CDK18: variants seen among roughly 807,000 people sequenced by gnomAD.
The protein encoded by CDK18 is cyclin dependent kinase 18, also known as cyclin-dependent kinase 18.
Under a neutral mutation model 62.0 loss-of-function variants are expected in CDK18, and 52 were observed. The observed-to-expected ratio is 0.84, with a 90% CI of 0.67 to 1.06. The LOEUF (loss-of-function observed/expected upper bound fraction) is 1.06. CDK18 is among the 50% of genes least tolerant of loss of function. The pLI, the probability that CDK18 is intolerant of heterozygous loss-of-function variation, is 0.00. For missense variants in CDK18, 604 were observed against 619.9 expected (o/e 0.97, Z 0.27); for synonymous variants, 237 against 247.0 (o/e 0.96, Z 0.38).
chr1:205,507,570 G>T (rs1667367422), intron 1 of CDK18, among the ~76,000 whole-genome samples: 1 of 146,320 alleles, frequency 6.8e-6, no homozygotes, highest in Non-Finnish European at 1.5e-5. Context: ...GGAGGCGGAG[G>T]TTGTAGTGAG....
intron 1 of CDK18, among the ~76,000 whole-genome samples, chr1:205,507,804 AGGCC>A (rs919959708): frequency 6.6e-6 from 1 of 152,176 alleles, no homozygotes; most frequent in African/African-American, 2.4e-5. Flanking sequence ...CAGCCCCATC[AGGCC>A]AAGCCCTTAG....
At position 205,523,300 on chromosome 1, in the gene CDK18, G is replaced by C. The variant is rs369881634; in HGVS notation, c.130+3G>C. On this transcript the variant is annotated splice_donor_region_variant and intron_variant, in intron 2 of 15. Coordinates refer to ENST00000429964, the MANE Select transcript of CDK18 (RefSeq NM_212502.3). Reference sequence around the variant, plus strand: ...GCTCCACAACCGGCGGAATGAGAGTGAGGGGTCTGGGCCCACCCAGCACCT... The same window carrying C: ...GCTCCACAACCGGCGGAATGAGAGTCAGGGGTCTGGGCCCACCCAGCACCT... 320 of 1,613,978 alleles carry C rather than the reference G, an allele frequency of 2.0e-4. No homozygotes were observed. The highest frequency in any genetic ancestry group is 2.7e-4 in the Non-Finnish European group (313 of 1,180,010).
At position 205,523,007 on chromosome 1, in the gene CDK18, A is replaced by C. The variant is rs372946872; in HGVS notation, c.-21-140A>C. 1.6e-4 allele frequency: 145 copies of C among 889,916 alleles called. 1 individual carries two copies. The East Asian group carries it at 2.7e-3, about 17-fold the overall frequency. The allele number at this position is 889,916 out of a possible 1,614,324, so 55.1% of individuals were successfully genotyped here. On this transcript the variant is annotated intron_variant, in intron 1 of 15. Coordinates refer to ENST00000429964, the MANE Select transcript of CDK18 (RefSeq NM_212502.3). ...CACCCTCAGAGGGGTCAAACTTTGC[A>C]GAAGACACAACCCTGGCTCCCAGTG... is the stretch of plus-strand genomic sequence containing the variant.
rs2102318746 is a variant in CDK18, at chr1:205,528,252, G to A, written c.974+84G>A. 7.9e-6 allele frequency: 12 copies of A among 1,513,776 alleles called. No homozygotes were observed. In the East Asian group the frequency reaches 1.1e-4, roughly 14 times the overall value. The allele number at this position is 1,513,776 out of a possible 1,614,324, so 93.8% of individuals were successfully genotyped here. A position where few individuals can be genotyped will look rare whatever the true frequency, so the allele number is the denominator to read the frequency against. On this transcript the variant is annotated intron_variant, in intron 10 of 15. Coordinates refer to ENST00000429964, the MANE Select transcript of CDK18 (RefSeq NM_212502.3). The surrounding 1 kb of genome is among the most constrained non-coding windows in gnomAD (Gnocchi z 4.2). ...TCTCCTTTGCTTCCCCAAGGGCCTC[G>A]GGGAAGAACTGCCTAACTTCCTTTG...
chr1:205,525,959 A>T, intron 5 of CDK18, 106 bp from the exon 6 acceptor site: 1 of 723,090 alleles, frequency 1.4e-6, no homozygotes, highest in Non-Finnish European at 2.4e-6. Flanking sequence ...GAGGAAGGGC[A>T]CTCAGGCCCC....
At chr1:205,515,280 G>A (rs1189824725) in intron 1 of CDK18, among the ~76,000 whole-genome samples, 1 of 149,412 alleles carries the variant, frequency 6.7e-6, no homozygotes, top group South Asian at 2.1e-4. Flanking sequence ...GGGTTCAAGC[G>A]ATACTCCTGC....
chr1:205,510,301 C>T (rs556380847), intron 1 of CDK18, among the ~76,000 whole-genome samples: 23 of 152,252 alleles, frequency 1.5e-4, no homozygotes, highest in Non-Finnish European at 2.8e-4. Flanking sequence ...GTGACCAGCC[C>T]AGGAGGTGAC....
chr1:205,523,222 C>T lies in CDK18; in HGVS notation c.55C>T (p.Arg19Cys), dbSNP rs760625150. Residue 19 changes from arginine to cysteine, a missense_variant, in exon 2 of 16, where the codon CGC becomes TGC. Arg to Cys is a radical substitution (Grantham distance 180). Coordinates refer to ENST00000429964, the MANE Select transcript of CDK18 (RefSeq NM_212502.3). ...GCGCCGTTTCTCCCTGTCAGTGCCCCGCACTGAGACCATTGAAGAATCCTT... is the reference window on the plus strand; with the variant it reads ...GCGCCGTTTCTCCCTGTCAGTGCCCTGCACTGAGACCATTGAAGAATCCTT... Reference protein sequence around the residue: ...FKRRFSLSVPRTETIEESLAE... With the variant: ...FKRRFSLSVPCTETIEESLAE... The T allele has an allele frequency of 1.5e-5, 25 of 1,613,540 alleles. No individual in the cohort carries two copies. Among genetic ancestry groups the T allele is most frequent in the East Asian group, 8.9e-5 (4 of 44,892 alleles).
At chr1:205,515,815 G>A (rs1375414798) in intron 1 of CDK18, among the ~76,000 whole-genome samples, 3 of 152,206 alleles carry the variant, frequency 2.0e-5, no homozygotes, top group Admixed American at 2.0e-4. Context: ...ACATCCAACA[G>A]GTTTGCCCAA....
chr1:205,507,814 C>T (rs1289939099), intron 1 of CDK18, among the ~76,000 whole-genome samples: 1 of 152,138 alleles, frequency 6.6e-6, no homozygotes, highest in Non-Finnish European at 1.5e-5. Flanking sequence ...AGGCCAAGCC[C>T]TTAGTTAGAC....
intron 1 of CDK18, 140 bp from the exon 2 acceptor site, chr1:205,523,007 A>G: frequency 1.1e-6 from 1 of 889,916 alleles, no homozygotes; most frequent in Non-Finnish European, 1.7e-6. Flanking sequence ...CAAACTTTGC[A>G]GAAGACACAA....
chr1:205,516,550 T>C lies in CDK18; in HGVS notation c.-21-6597T>C, dbSNP rs1389450129. ...CATGTGCCTGGAACACAGCAGGTGC[T>C]CCACATGTGCCTGTAAAGCAGACAC... On this transcript the variant is annotated intron_variant, in intron 1 of 15. Transcript: ENST00000429964. The surrounding 1 kb of genome is among the most constrained non-coding windows in gnomAD (Gnocchi z 4.8). 6.6e-6 allele frequency among the ~76,000 whole-genome samples: 1 copy of C among 152,122 alleles called. No homozygotes were observed. Among genetic ancestry groups the C allele is most frequent in the African/African-American group, 2.4e-5 (1 of 41,426 alleles).
intron 5 of CDK18, among the ~76,000 whole-genome samples, chr1:205,525,803 T>C (rs542836185): frequency 1.8e-4 from 27 of 152,114 alleles, no homozygotes; most frequent in Non-Finnish European, 3.5e-4. Flanking sequence ...CAGCATCGTA[T>C]AAGGAAGAAA....
At chr1:205,511,765 A>T (rs1667574231) in intron 1 of CDK18, among the ~76,000 whole-genome samples, 1 of 152,172 alleles carries the variant, frequency 6.6e-6, no homozygotes, top group African/African-American at 2.4e-5. Flanking sequence ...ACTTAAAAAC[A>T]CATCTTGGCC....
Position 205,527,891 on chromosome 1 carries a change from G to A in CDK18, c.827G>A (p.Arg276Lys), listed in dbSNP as rs780961848. Residue 276 changes from arginine to lysine, a missense_variant, in exon 9 of 16, where the codon AGG (arginine) becomes AAG (lysine). Arg to Lys is a conservative substitution (Grantham distance 26). Transcript: ENST00000429964. The surrounding 1 kb of genome is among the most constrained non-coding windows in gnomAD (Gnocchi z 4.1). ...CCCCAGAACCTGCTCATCAACGAGA[G>A]GGGGGAGCTGAAGCTGGCCGACTTT... ...LKPQNLLINERGELKLADFGL... is the reference protein window; with the variant it reads ...LKPQNLLINEKGELKLADFGL... The A allele has an allele frequency of 1.2e-6, 2 of 1,614,120 alleles. No homozygotes were observed. The highest frequency in any genetic ancestry group is 2.2e-5 in the South Asian group (2 of 91,078).
chr1:205,511,125 A>T (rs11240502), intron 1 of CDK18, among the ~76,000 whole-genome samples: 94,454 of 152,236 alleles, frequency 0.62, 29,916 homozygotes, highest in East Asian at 0.83. Context: ...AAGTCCCGAC[A>T]GTTTTTGTAT....
chr1:205,509,076 G>A (rs1281605416), intron 1 of CDK18, among the ~76,000 whole-genome samples: 1 of 152,070 alleles, frequency 6.6e-6, no homozygotes, highest in Admixed American at 6.6e-5. Flanking sequence ...TTGAACCCAG[G>A]AGGTGGAGGT....
intron 15 of CDK18, 23 bp downstream of exon 15, chr1:205,530,728 A>G: frequency 1.2e-6 from 2 of 1,602,434 alleles, no homozygotes; most frequent in Non-Finnish European, 8.5e-7. Flanking sequence ...GCTCTCCTGG[A>G]CCCCTCCCCT....
intron 15 of CDK18, 22 bp from the exon 16 acceptor site, chr1:205,531,322 C>G (rs45495498): frequency 0.012 from 19,054 of 1,613,510 alleles, 226 homozygotes; most frequent in Non-Finnish European, 0.012. Context: ...CCCTGCAGCC[C>G]CACCTCTTCT....
Sources: allele counts gnomAD v4.1 joint callset (sites outside exome capture counted in the v4.1 genomes callset), GRCh38; gene constraint gnomAD v4.1.1; non-coding constraint Gnocchi (gnomAD v3.1); transcripts MANE v1.5; gene names NCBI Gene and HGNC (gene_info 2026-07-23, HGNC 2026-07-21).